Variants in RADIL observed in about 807,000 individuals in gnomAD.
RADIL encodes ras-associating and dilute domain-containing protein.
In RADIL, 99 loss-of-function variants were observed where a neutral mutation model predicts 97.6. The ratio of observed to expected loss-of-function variants is 1.01; its 90% CI spans 0.86 to 1.20. RADIL has a LOEUF of 1.20. Among genes scored for constraint, RADIL ranks in the 50% most tolerant of loss-of-function variants. The pLI, the probability that RADIL is intolerant of heterozygous loss-of-function variation, is 0.00. For missense variants in RADIL, 1,765 were observed against 1,498.9 expected, an observed-to-expected ratio of 1.18 and a Z score of -2.93; for synonymous variants, 803 against 691.8, an observed-to-expected ratio of 1.16 and a Z score of -2.52.
At chr7:4,802,092 C>G (rs1030671458) in intron 11 of RADIL, 97 bp from the exon 12 acceptor site, 3 of 1,079,370 alleles carry the variant, frequency 2.8e-6, no homozygotes, top group Non-Finnish European at 3.9e-6. Context: ...GCCGCCAGGC[C>G]GCGGGGCAGA....
In RADIL at chr7:4,872,084, C is replaced by T. The variant is rs1034389811; in HGVS notation, c.535+5521G>A. 6.6e-6 allele frequency among the ~76,000 whole-genome samples: 1 copy of T among 152,114 alleles called. No individual in the cohort carries two copies. Among genetic ancestry groups the T allele is most frequent in the African/African-American group, 2.4e-5 (1 of 41,432 alleles). On this transcript the variant is annotated intron_variant, in intron 2 of 14. Coordinates refer to ENST00000399583, the MANE Select transcript of RADIL (RefSeq NM_018059.5). The surrounding 1 kb of genome is among the most constrained non-coding windows in gnomAD (Gnocchi z 5.8). The stretch of plus-strand genomic sequence containing the variant: ...AGAGTGGCCCAGGAGAAACAAATGT[C>T]GCCACTGTGGATCAGGCCTGAGGGC...
Position 4,809,335 on chromosome 7 carries a change from T to C in RADIL, c.2140-3619A>G, listed in dbSNP as rs374230856. On this transcript the variant is annotated intron_variant, in intron 9 of 14. Transcript: ENST00000399583. ...GCCTAGTTTCCCTAGCCAGGAGAAG[T>C]CCTGTTTTCAACGTTCTAGAAATAT... 168 of 985,180 alleles carry C rather than the reference T, an allele frequency of 1.7e-4. 2 individuals are homozygous for C. The South Asian group carries it at 7.2e-3, about 42-fold the overall frequency. 61.0% of individuals were successfully genotyped at this position (985,180 alleles called of 1,614,324 possible).
At chr7:4,846,523 C>T (rs1783577839) in intron 2 of RADIL, among the ~76,000 whole-genome samples, 1 of 147,808 alleles carries the variant, frequency 6.8e-6, no homozygotes, top group African/African-American at 2.5e-5. Context: ...GATTCCAACT[C>T]CCTTCCCTCC....
intron 11 of RADIL, among the ~76,000 whole-genome samples, chr7:4,802,620 G>T (rs1290001152): frequency 3.8e-5 from 5 of 132,124 alleles, no homozygotes; most frequent in South Asian, 2.5e-4. Context: ...CTCGGGGCAT[G>T]CTGGCTGGAC....
Position 4,873,611 on chromosome 7 carries a change from A to C in RADIL, c.535+3994T>G, listed in dbSNP as rs1784303422. ...ATCCTGCCATCCCGCCGTCCTTTTG[A>C]AACTACACCACCCACTTCAGTAGGA... On this transcript the variant is annotated intron_variant, in intron 2 of 14. Transcript: ENST00000399583. The surrounding 1 kb of genome is among the most constrained non-coding windows in gnomAD (Gnocchi z 4.3). 6.6e-6 allele frequency among the ~76,000 whole-genome samples: 1 copy of C among 152,134 alleles called. No homozygotes were observed. The highest frequency in any genetic ancestry group is 1.5e-5 in the Non-Finnish European group (1 of 68,012).
In RADIL at chr7:4,798,813, G is replaced by A. The variant is rs999510416; in HGVS notation, c.*565C>T. 6.5e-6 allele frequency: 1 copy of A among 153,650 alleles called. No individual in the cohort carries two copies. The highest frequency in any genetic ancestry group is 2.4e-5 in the African/African-American group (1 of 41,472). 9.5% of individuals were successfully genotyped at this position (153,650 alleles called of 1,614,324 possible). ...CAGGCCGGTCCACTTTCCAACGCCT[G>A]GGTGTCTAGACCTTTCTCTGGGGCC... On this transcript the variant is annotated 3_prime_UTR_variant, in exon 15 of 15. Coordinates refer to ENST00000399583, the MANE Select transcript of RADIL (RefSeq NM_018059.5).
chr7:4,862,607 T>C (rs1784042121), intron 2 of RADIL, among the ~76,000 whole-genome samples: 1 of 152,208 alleles, frequency 6.6e-6, no homozygotes, highest in Non-Finnish European at 1.5e-5. Flanking sequence ...TTCTCTTTAA[T>C]AATCTTACCC....
chr7:4,862,065 C>G (rs112041262), intron 2 of RADIL: 5,127 of 379,642 alleles, frequency 0.014, 210 homozygotes, highest in African/African-American at 0.096. Flanking sequence ...CACCCGCCGC[C>G]AGCGCGAGGG....
At chr7:4,874,856 G>A (rs1040964919) in intron 2 of RADIL, among the ~76,000 whole-genome samples, 6 of 151,940 alleles carry the variant, frequency 3.9e-5, no homozygotes, top group Non-Finnish European at 5.9e-5. Flanking sequence ...TCCGGAGTTC[G>A]AGACCAGCCT....
At chr7:4,881,953 C>G (rs1036121573) in intron 1 of RADIL, among the ~76,000 whole-genome samples, 2 of 151,936 alleles carry the variant, frequency 1.3e-5, no homozygotes, top group African/African-American at 4.8e-5. Context: ...CACTTCCCCC[C>G]ACCCCTGCTT....
rs1441853091 is a variant in RADIL, at chr7:4,877,664, A to G, written c.476T>C (p.Leu159Pro). ...PREGLSRRFE[L>P]RKRSDVEELA... Reference sequence around the variant, plus strand: ...CTCCTCCACGTCCGACCTCTTCCTCAGCTCAAACCTCCGGGATAAACCTTC... The same window carrying G: ...CTCCTCCACGTCCGACCTCTTCCTCGGCTCAAACCTCCGGGATAAACCTTC... The change falls in exon 2 of 15, where the codon CTG (leucine) becomes CCG (proline). Residue 159 changes from leucine to proline, a missense_variant. By Grantham distance (98) the Leu-to-Pro change is moderately conservative. Coordinates refer to ENST00000399583, the MANE Select transcript of RADIL (RefSeq NM_018059.5). The G allele has an allele frequency of 1.2e-6, 2 of 1,613,586 alleles. No homozygotes were observed. Among genetic ancestry groups the G allele is most frequent in the Non-Finnish European group, 1.7e-6 (2 of 1,179,832 alleles).
At chr7:4,825,477 C>T (rs1401047769) in intron 5 of RADIL, among the ~76,000 whole-genome samples, 3 of 152,206 alleles carry the variant, frequency 2.0e-5, no homozygotes, top group Admixed American at 2.0e-4. Flanking sequence ...CAGCCACATC[C>T]ACCCACCTGG....
chr7:4,829,433 A>C (rs116162233), intron 5 of RADIL, among the ~76,000 whole-genome samples: 1,897 of 152,308 alleles, frequency 0.012, 38 homozygotes, highest in African/African-American at 0.043. Context: ...TGGGGACTCC[A>C]GGTCAGTGGT....
At chr7:4,804,663 T>G (rs1460716079) in intron 10 of RADIL, among the ~76,000 whole-genome samples, 1 of 152,140 alleles carries the variant, frequency 6.6e-6, no homozygotes, top group African/African-American at 2.4e-5. Flanking sequence ...GGCACACACC[T>G]GTAATCCCAG....
chr7:4,805,452 G>A, intron 10 of RADIL, 114 bp downstream of exon 10: 1 of 1,340,724 alleles, frequency 7.5e-7, no homozygotes. Flanking sequence ...GAGGTCCCCA[G>A]GAGAGAGGTC....
At chr7:4,852,682 A>G (rs1330554934) in intron 2 of RADIL, among the ~76,000 whole-genome samples, 1 of 152,118 alleles carries the variant, frequency 6.6e-6, no homozygotes, top group Non-Finnish European at 1.5e-5. Context: ...GGCTGGGATT[A>G]CAGGCATGTG....
At chr7:4,802,095 G>A (rs917460788) in intron 11 of RADIL, 100 bp from the exon 12 acceptor site, 64 of 1,029,058 alleles carry the variant, frequency 6.2e-5, no homozygotes, top group Admixed American at 2.1e-4. Flanking sequence ...GCCAGGCCGC[G>A]GGGCAGAGGT....
intron 2 of RADIL, among the ~76,000 whole-genome samples, chr7:4,862,757 C>A (rs1310276160): frequency 6.6e-6 from 1 of 151,874 alleles, no homozygotes; most frequent in Non-Finnish European, 1.5e-5. Flanking sequence ...ATTAGCCGGG[C>A]GTGGTGGTGC....
At position 4,834,221 on chromosome 7, in the gene RADIL, A is replaced by AGGG. The variant is rs1480600082; in HGVS notation, c.1416+383_1416+385dup. ...ACAGGGGCTTCTGGGGCTCTTGGGC[A>AGGG]GGGGCCTGTGAGAGCTATCAATGTC... On this transcript the variant is annotated intron_variant, in intron 4 of 14. Coordinates refer to ENST00000399583, the MANE Select transcript of RADIL (RefSeq NM_018059.5). This position sits in a 1 kb window ranked among gnomAD's most constrained non-coding sequence, Gnocchi z 6.0. Among the ~76,000 whole-genome samples the AGGG allele has an allele frequency of 6.6e-6, 1 of 152,134 alleles. No individual in the cohort carries two copies. Among genetic ancestry groups the AGGG allele is most frequent in the Non-Finnish European group, 1.5e-5 (1 of 68,012 alleles).
Sources: gnomAD v4.1 joint callset for allele counts (sites outside exome capture counted in the v4.1 genomes callset) on GRCh38, gnomAD v4.1.1 for gene constraint, Gnocchi (gnomAD v3.1) non-coding constraint, MANE v1.5 for transcripts, NCBI Gene and HGNC (gene_info 2026-07-23, HGNC 2026-07-21) for gene names.